The following SWT1 variants were observed in gnomAD, a reference collection of about 807,000 sequenced individuals.
SWT1 encodes SWT1 RNA endoribonuclease homolog, also known as transcriptional protein SWT1.
SWT1 carries 33 observed loss-of-function variants against 107.3 expected under a neutral mutation model. The ratio of observed to expected loss-of-function variants is 0.31; its 90% confidence interval spans 0.23 to 0.41. SWT1 has a LOEUF of 0.41. Among genes scored for constraint, SWT1 ranks in the 10% least tolerant of loss-of-function variants. The pLI is 1.00. For synonymous variants in SWT1, 345 were observed against 348.3 expected (o/e 0.99, Z 0.11); for missense variants, 898 against 1,028.9 (o/e 0.87, Z 1.74).
At chr1:185,158,150 A>G (rs1233240669) in intron 1 of SWT1, among the ~76,000 whole-genome samples, 1 of 152,090 alleles carries the variant, frequency 6.6e-6, no homozygotes, top group East Asian at 1.9e-4. Flanking sequence ...TTCTTGGTCT[A>G]TTTGTTTCCT....
chr1:185,272,108 C>T (rs1463601547), intron 17 of SWT1, among the ~76,000 whole-genome samples: 1 of 152,162 alleles, frequency 6.6e-6, no homozygotes, highest in Non-Finnish European at 1.5e-5. Context: ...ACCCAGAATA[C>T]CTCACAAAGG....
At chr1:185,160,678 A>G (rs537800017) in intron 1 of SWT1, among the ~76,000 whole-genome samples, 155 bp from the exon 2 acceptor site, 3 of 152,206 alleles carry the variant, frequency 2.0e-5, no homozygotes, top group South Asian at 4.2e-4. Flanking sequence ...CTCCAGCCTG[A>G]GCGATGGAGC....
chr1:185,206,393 T>C (rs1163935803), intron 12 of SWT1, among the ~76,000 whole-genome samples: 1 of 152,212 alleles, frequency 6.6e-6, no homozygotes, highest in Admixed American at 6.5e-5. Context: ...TGTTTTTCTT[T>C]TTTGCACAGT....
intron 13 of SWT1, among the ~76,000 whole-genome samples, chr1:185,209,995 A>T (rs1281159370): frequency 6.6e-6 from 1 of 152,018 alleles, no homozygotes; most frequent in Non-Finnish European, 1.5e-5. Context: ...GCTTTCTTTC[A>T]TATGTTTGTT....
chr1:185,187,809 C>T (rs1202594218), intron 9 of SWT1, among the ~76,000 whole-genome samples: 1 of 152,152 alleles, frequency 6.6e-6, no homozygotes, highest in Non-Finnish European at 1.5e-5. Flanking sequence ...CTGCCTCAGC[C>T]TCCTGAGTAG....
chr1:185,212,543 A>C (rs1658902177), intron 13 of SWT1, among the ~76,000 whole-genome samples: 3 of 152,168 alleles, frequency 2.0e-5, no homozygotes, highest in African/African-American at 7.2e-5. Flanking sequence ...CCTAACGTTT[A>C]ATGAGTTATG....
At chr1:185,197,843 A>G (rs1657526401) in intron 10 of SWT1, among the ~76,000 whole-genome samples, 1 of 151,328 alleles carries the variant, frequency 6.6e-6, no homozygotes, top group Non-Finnish European at 1.5e-5. Context: ...TTTCTTCTTT[A>G]TTAGTCTGGC....
rs1418819115 is a variant in SWT1 at position 185,256,511 on chromosome 1, C to T, written c.2442-14812C>T. 1.4e-4 allele frequency among the ~76,000 whole-genome samples: 21 copies of T among 150,872 alleles called. No individual in the cohort carries two copies. The South Asian group carries it at 4.5e-3, about 32-fold the overall frequency. On this transcript the variant is annotated intron_variant, in intron 16 of 18. Coordinates refer to ENST00000367500, the MANE Select transcript of SWT1 (RefSeq NM_017673.7). Reference sequence around the variant, plus strand: ...ATTCTTTTTTCTCTAAACTTGCCTTCTCGCTTCATTTCATTCATTTCATCT... The same window carrying T: ...ATTCTTTTTTCTCTAAACTTGCCTTTTCGCTTCATTTCATTCATTTCATCT...
intron 5 of SWT1, among the ~76,000 whole-genome samples, chr1:185,178,201 G>C (rs1273676922): frequency 6.6e-6 from 1 of 152,112 alleles, no homozygotes; most frequent in Non-Finnish European, 1.5e-5. Flanking sequence ...TAGGGTAGAG[G>C]GCCAGTGTAT....
At chr1:185,281,632 A>G in intron 18 of SWT1, 1 of 184,456 alleles carries the variant, frequency 5.4e-6, no homozygotes, top group Middle Eastern at 7.6e-4. Flanking sequence ...TGGAGGTGAT[A>G]TACTTGGCCT....
intron 18 of SWT1, among the ~76,000 whole-genome samples, chr1:185,279,749 A>G (rs985107738): frequency 2.0e-5 from 3 of 150,490 alleles, no homozygotes; most frequent in African/African-American, 7.4e-5. Context: ...TATGGGGCCA[A>G]TTGTGGAAGA....
At chr1:185,189,417 T>G (rs1422550668) in intron 9 of SWT1, among the ~76,000 whole-genome samples, 2 of 152,214 alleles carry the variant, frequency 1.3e-5, no homozygotes. Flanking sequence ...GGCCCATATT[T>G]CTTTCTCCTG....
chr1:185,258,323 T>A (rs1248841575), intron 16 of SWT1, among the ~76,000 whole-genome samples: 2 of 152,168 alleles, frequency 1.3e-5, no homozygotes. Context: ...TAATGTTCCA[T>A]GTTGTTTTAA....
In SWT1 at chr1:185,283,398, AAGG is replaced by A. The variant is rs1664757864; in HGVS notation, c.2573+6733_2573+6735del. On this transcript the variant is annotated intron_variant, in intron 18 of 18. Coordinates refer to ENST00000367500, the MANE Select transcript of SWT1 (RefSeq NM_017673.7). ...TGCTCCAAATCCAGGATGGTAAATTAAGGAGATTATCAAACATTACCAAACAAA... is the reference window on the plus strand; with the variant it reads ...TGCTCCAAATCCAGGATGGTAAATTAAGATTATCAAACATTACCAAACAAA... Among the ~76,000 whole-genome samples the A allele has an allele frequency of 7.9e-5, 12 of 152,302 alleles. No homozygotes were observed. In the South Asian group the frequency reaches 2.3e-3, roughly 29 times the overall value.
At chr1:185,213,619 A>G (rs886849677) in intron 13 of SWT1, among the ~76,000 whole-genome samples, 1 of 152,194 alleles carries the variant, frequency 6.6e-6, no homozygotes, top group Admixed American at 6.5e-5. Context: ...TTCAGAATAC[A>G]ATAGAGTCTC....
chr1:185,283,088 C>G (rs532082423), intron 18 of SWT1, among the ~76,000 whole-genome samples: 93 of 152,236 alleles, frequency 6.1e-4, no homozygotes, highest in African/African-American at 2.0e-3. Flanking sequence ...CAAACAGGAG[C>G]CTCTGTCCCC....
intron 17 of SWT1, among the ~76,000 whole-genome samples, chr1:185,275,532 G>A (rs1664181650): frequency 6.7e-6 from 1 of 149,854 alleles, no homozygotes; most frequent in Non-Finnish European, 1.5e-5. Context: ...CTATATATAT[G>A]TGTGTACATA....
At chr1:185,192,853 G>A (rs996817253) in intron 10 of SWT1, among the ~76,000 whole-genome samples, 4 of 152,010 alleles carry the variant, frequency 2.6e-5, no homozygotes, top group Non-Finnish European at 4.4e-5. Flanking sequence ...TCGCCATATC[G>A]GTCAGGCTGG....
At chr1:185,215,917 TA>T (rs1228360022) in intron 14 of SWT1, among the ~76,000 whole-genome samples, 1 of 152,174 alleles carries the variant, frequency 6.6e-6, no homozygotes, top group Admixed American at 6.6e-5. Flanking sequence ...TCACTATTAC[TA>T]AAAGAGATAT....
Sources: allele counts gnomAD v4.1 joint callset (sites outside exome capture counted in the v4.1 genomes callset), GRCh38; gene constraint gnomAD v4.1.1; transcripts MANE v1.5; gene names NCBI Gene and HGNC (gene_info 2026-07-23, HGNC 2026-07-21).